Variants in SBF2 observed in about 807,000 individuals in gnomAD.
SBF2 encodes the protein myotubularin-related protein 13.
In SBF2, 112 loss-of-function variants were observed where a neutral mutation model predicts 225.2. The observed-to-expected ratio is 0.50, with a 90% CI of 0.43 to 0.58. The LOEUF (loss-of-function observed/expected upper bound fraction) is 0.58. SBF2 is among the 20% of genes least tolerant of loss of function. The pLI, the probability that SBF2 is intolerant of heterozygous loss-of-function variation, is 0.00. For synonymous variants in SBF2, 763 were observed against 773.3 expected, an observed-to-expected ratio of 0.99 and a Z score of 0.22; for missense variants, 1,996 against 2,206.2, an observed-to-expected ratio of 0.90 and a Z score of 1.91.
intron 1 of SBF2, among the ~76,000 whole-genome samples, chr11:10,287,873 G>T (rs769659485): frequency 6.6e-6 from 1 of 152,204 alleles, no homozygotes; most frequent in African/African-American, 2.4e-5. Context: ...GGAGTCAGGC[G>T]TGGAGTGGTG....
chr11:10,109,841 AG>A (rs1380346621), intron 2 of SBF2, among the ~76,000 whole-genome samples: 2 of 152,242 alleles, frequency 1.3e-5, no homozygotes, highest in Admixed American at 6.5e-5. Context: ...AAATGTAAAC[AG>A]TGTTTTCACA....
chr11:9,978,097 A>G (rs1438985579), intron 13 of SBF2, among the ~76,000 whole-genome samples: 3 of 152,234 alleles, frequency 2.0e-5, no homozygotes, highest in Non-Finnish European at 4.4e-5. Flanking sequence ...TAGAAATGTG[A>G]TTAAAAAAAC....
intron 8 of SBF2, 143 bp downstream of exon 8, chr11:10,000,771 A>G (rs1357990162): frequency 1.6e-6 from 1 of 606,768 alleles, no homozygotes. Flanking sequence ...AGACTTTTCA[A>G]TGATATTTTT....
intron 16 of SBF2, among the ~76,000 whole-genome samples, chr11:9,911,878 C>T (rs560984615): frequency 6.6e-5 from 10 of 152,326 alleles, no homozygotes; most frequent in East Asian, 1.9e-4. Flanking sequence ...AACCTTGGAG[C>T]GATAGGCTAT....
intron 16 of SBF2, among the ~76,000 whole-genome samples, chr11:9,909,610 C>T (rs1490986865): frequency 9.5e-5 from 14 of 147,096 alleles, no homozygotes; most frequent in Middle Eastern, 3.5e-3. Context: ...GTGGAGCTTG[C>T]GGTGAGCCGA....
chr11:10,036,532 TAACATGACAGA>T (rs1378827046), intron 3 of SBF2, among the ~76,000 whole-genome samples: 3 of 152,186 alleles, frequency 2.0e-5, no homozygotes, highest in African/African-American at 7.2e-5. Flanking sequence ...CAGATATAGT[TAACATGACAGA>T]ATAAGAAAAA....
chr11:10,132,371 C>T (rs1954100301), intron 2 of SBF2, among the ~76,000 whole-genome samples: 2 of 152,074 alleles, frequency 1.3e-5, no homozygotes, highest in African/African-American at 4.8e-5. Context: ...AGAATGAAGC[C>T]GTGGACCCTC....
chr11:9,846,149 G>C (rs1318723317), intron 23 of SBF2, among the ~76,000 whole-genome samples: 2 of 152,194 alleles, frequency 1.3e-5, no homozygotes, highest in Non-Finnish European at 2.9e-5. Flanking sequence ...AGTACAGCTA[G>C]GCAATATTTG....
Position 10,135,118 on chromosome 11 carries a change from C to T in SBF2, c.141+58784G>A, listed in dbSNP as rs567917444. ...TTCTGTGCACTGGCAGGCTCAACAC[C>T]GCGTTGAAGTTGCCAAGGCTTAGGG... On this transcript the variant is annotated intron_variant, in intron 2 of 39. Coordinates refer to ENST00000256190, the MANE Select transcript of SBF2 (RefSeq NM_030962.4). Among the ~76,000 whole-genome samples the T allele has an allele frequency of 1.1e-4, 16 of 152,318 alleles. No individual in the cohort carries two copies. In the South Asian group the frequency reaches 1.9e-3, roughly 18 times the overall value.
intron 1 of SBF2, among the ~76,000 whole-genome samples, chr11:10,244,263 C>A (rs1959538004): frequency 6.6e-6 from 1 of 152,102 alleles, no homozygotes. Flanking sequence ...CGTTTCAGGT[C>A]TTACATTTAA....
chr11:9,940,124 C>A (rs563177296), intron 16 of SBF2, among the ~76,000 whole-genome samples: 7 of 152,292 alleles, frequency 4.6e-5, no homozygotes, highest in African/African-American at 1.7e-4. Context: ...TATGCTAAGG[C>A]CGGGCGCGGT....
intron 2 of SBF2, among the ~76,000 whole-genome samples, chr11:10,151,492 A>G (rs1160689444): frequency 7.9e-5 from 12 of 152,346 alleles, no homozygotes; most frequent in South Asian, 2.1e-4. Flanking sequence ...TCCCATTCAC[A>G]TAATTCCTTA....
At chr11:10,090,327 T>C (rs972988092) in intron 2 of SBF2, among the ~76,000 whole-genome samples, 2 of 152,184 alleles carry the variant, frequency 1.3e-5, no homozygotes, top group African/African-American at 4.8e-5. Flanking sequence ...GTTAAAAAGG[T>C]ATATTTTATG....
At chr11:10,069,317 C>T (rs1950761923) in intron 2 of SBF2, among the ~76,000 whole-genome samples, 1 of 103,454 alleles carries the variant, frequency 9.7e-6, no homozygotes, top group African/African-American at 3.2e-5. Flanking sequence ...CCCCTCCCCC[C>T]ACCCCCCAAC....
intron 16 of SBF2, among the ~76,000 whole-genome samples, chr11:9,923,975 T>C (rs1174759839): frequency 6.6e-6 from 1 of 152,220 alleles, no homozygotes; most frequent in Non-Finnish European, 1.5e-5. Flanking sequence ...AGGGCTTTGA[T>C]GCTCTCAACT....
At chr11:9,986,171 T>C (rs1947189032) in intron 13 of SBF2, among the ~76,000 whole-genome samples, 1 of 152,170 alleles carries the variant, frequency 6.6e-6, no homozygotes, top group Admixed American at 6.6e-5. Flanking sequence ...AATAACCTGC[T>C]CCTGAATGAG....
At position 9,962,047 on chromosome 11, in the gene SBF2, A is replaced by G. The variant is rs149269991; in HGVS notation, c.1770T>C (p.Asp590=). The change falls in exon 16 of 40, where the codon GAT becomes GAC. Residue 590 remains aspartate, a synonymous_variant. Transcript: ENST00000256190. Reference sequence around the variant, plus strand: ...TTTGCTGGACATGCAAACCCAATTCATCAGTGAGACACTGTCTTGCTGCCT... The same window carrying G: ...TTTGCTGGACATGCAAACCCAATTCGTCAGTGAGACACTGTCTTGCTGCCT... ...KGKAARQCLT[D]ELGLHVQQNR... 9.3e-6 allele frequency: 15 copies of G among 1,614,002 alleles called. No individual in the cohort carries two copies. Among genetic ancestry groups the G allele is most frequent in the Non-Finnish European group, 1.3e-5 (15 of 1,179,978 alleles).
chr11:10,028,206 A>G (rs1220585206), intron 6 of SBF2, among the ~76,000 whole-genome samples: 1 of 151,932 alleles, frequency 6.6e-6, no homozygotes, highest in Non-Finnish European at 1.5e-5. Context: ...GAGCTACCAC[A>G]CCCGTCCCAT....
At chr11:9,806,263 A>G (rs1853840829) in intron 32 of SBF2, among the ~76,000 whole-genome samples, 1 of 152,260 alleles carries the variant, frequency 6.6e-6, no homozygotes, top group South Asian at 2.1e-4. Flanking sequence ...AACTAAAATA[A>G]CATGTGTAGT....
Sources: gnomAD v4.1 joint callset for allele counts (sites outside exome capture counted in the v4.1 genomes callset) on GRCh38, gnomAD v4.1.1 for gene constraint, MANE v1.5 for transcripts, NCBI Gene and HGNC (gene_info 2026-07-23, HGNC 2026-07-21) for gene names.